Variants in AKAP9 observed in about 807,000 individuals in gnomAD.
AKAP9 encodes A-kinase anchoring protein 9, also known as A-kinase anchor protein 9.
In AKAP9, 311 loss-of-function variants were observed where a neutral mutation model predicts 488.5. That is an observed-to-expected ratio of 0.64 (90% CI 0.58 to 0.70). The LOEUF is 0.70. Ranked by LOEUF, AKAP9 falls within the 30% of genes least tolerant of loss-of-function variation. AKAP9 has a pLI of 0.00. For missense variants in AKAP9, 4,215 were observed against 4,374.5 expected (o/e 0.96, Z 1.03); for synonymous variants, 1,462 against 1,483.5 (o/e 0.99, Z 0.33).
chr7:92,071,325 G>A (rs1290420139), intron 28 of AKAP9, among the ~76,000 whole-genome samples: 2 of 115,730 alleles, frequency 1.7e-5, no homozygotes, highest in Non-Finnish European at 3.5e-5. Context: ...AGGACAAAAG[G>A]CAATATATCC....
In AKAP9 at chr7:92,017,028, A is replaced by G. The variant is rs1321801373; in HGVS notation, c.3763A>G (p.Asn1255Asp). ...TGTTTACCATCCAGACTTTCAAGAA[A>G]ATATGCACACTCTTCTCAACAAAGT... ...YRYEVQDFQE[N>D]MHTLLNKVTE... The change falls in exon 12 of 50, where the codon AAT (asparagine) becomes GAT (aspartate). Residue 1255 changes from asparagine to aspartate, a missense_variant. Transcript: ENST00000356239. 1 of 1,580,962 alleles carries G rather than the reference A, an allele frequency of 6.3e-7. No individual in the cohort carries two copies. The highest frequency in any genetic ancestry group is 8.7e-7 in the Non-Finnish European group (1 of 1,155,812).
chr7:92,076,103 A>T (rs1006216124), intron 28 of AKAP9, among the ~76,000 whole-genome samples: 12 of 152,236 alleles, frequency 7.9e-5, no homozygotes, highest in African/African-American at 2.4e-4. Flanking sequence ...CCAGTGAGCT[A>T]AATGAATGTT....
chr7:92,020,453 C>T (rs546439759), intron 12 of AKAP9, among the ~76,000 whole-genome samples: 1 of 152,188 alleles, frequency 6.6e-6, no homozygotes, highest in Non-Finnish European at 1.5e-5. Context: ...ATTTCTTCCT[C>T]TGTTCCCTTA....
At chr7:92,028,044 G>A (rs1201716776) in intron 14 of AKAP9, among the ~76,000 whole-genome samples, 2 of 152,054 alleles carry the variant, frequency 1.3e-5, no homozygotes, top group Non-Finnish European at 1.5e-5. Context: ...GGGTTAAATG[G>A]ATTAAGGGTG....
intron 1 of AKAP9, among the ~76,000 whole-genome samples, chr7:91,944,744 T>G (rs922594656): frequency 6.6e-6 from 1 of 152,194 alleles, no homozygotes; most frequent in Non-Finnish European, 1.5e-5. Context: ...ATTAAACACA[T>G]GTTATAGTGT....
chr7:91,948,907 C>T (rs1791847912), intron 1 of AKAP9, among the ~76,000 whole-genome samples: 1 of 151,668 alleles, frequency 6.6e-6, no homozygotes, highest in Non-Finnish European at 1.5e-5. Context: ...CACCACCATG[C>T]CCGATTAATT....
At chr7:92,086,104 A>G (rs1814513118) in intron 36 of AKAP9, 124 bp from the exon 37 acceptor site, 3 of 843,244 alleles carry the variant, frequency 3.6e-6, no homozygotes, top group Non-Finnish European at 5.4e-6. Flanking sequence ...AAAAAAATAA[A>G]TAAATAAAAG....
chr7:92,073,883 G>A (rs541427828), intron 28 of AKAP9, among the ~76,000 whole-genome samples: 2 of 152,202 alleles, frequency 1.3e-5, no homozygotes, highest in African/African-American at 4.8e-5. Context: ...AACTCAAGAT[G>A]GATTAAAGAC....
intron 3 of AKAP9, among the ~76,000 whole-genome samples, chr7:91,991,401 A>G (rs1463166975): frequency 6.6e-6 from 1 of 151,402 alleles, no homozygotes; most frequent in Admixed American, 6.6e-5. Flanking sequence ...ATATCCTCAA[A>G]CTCCTGGGCT....
chr7:92,106,023 A>G (rs983292786), intron 47 of AKAP9, among the ~76,000 whole-genome samples: 1 of 152,244 alleles, frequency 6.6e-6, no homozygotes, highest in African/African-American at 2.4e-5. Flanking sequence ...GAATCTAACT[A>G]ATGCCTGATT....
intron 3 of AKAP9, among the ~76,000 whole-genome samples, chr7:91,983,773 A>G (rs563655642): frequency 7.9e-5 from 12 of 152,188 alleles, no homozygotes; most frequent in African/African-American, 1.2e-4. Flanking sequence ...AACCGTTCTT[A>G]TTTCTCCACA....
intron 16 of AKAP9, among the ~76,000 whole-genome samples, chr7:92,031,971 A>G (rs1804334771): frequency 6.6e-6 from 1 of 152,194 alleles, no homozygotes; most frequent in African/African-American, 2.4e-5. Context: ...CAATCAGAGA[A>G]GTTTTGTTAG....
Position 92,001,273 on chromosome 7 carries a change from A to C in AKAP9, c.1356A>C (p.Leu452Phe). The change falls in exon 8 of 50, where the codon TTA (leucine) becomes TTC (phenylalanine). Residue 452 changes from leucine (L) to phenylalanine (F), a missense_variant. Leu to Phe is a conservative substitution (Grantham distance 22). Coordinates refer to ENST00000356239, the MANE Select transcript of AKAP9 (RefSeq NM_005751.5). ...GQQIVQMKQE[L>F]IRQHMAQMEE... Reference sequence around the variant, plus strand: ...AGATAGTGCAAATGAAACAAGAATTAATAAGACAACACATGGCACAGATGG... The same window carrying C: ...AGATAGTGCAAATGAAACAAGAATTCATAAGACAACACATGGCACAGATGG... The C allele has an allele frequency of 6.2e-7, 1 of 1,614,028 alleles. No individual in the cohort carries two copies. The highest frequency in any genetic ancestry group is 1.1e-5 in the South Asian group (1 of 91,082).
In AKAP9 at chr7:92,083,513, A is replaced by G. The variant is rs897970211; in HGVS notation, c.8504A>G (p.His2835Arg). 3 of 1,607,354 alleles carry G rather than the reference A, an allele frequency of 1.9e-6. No individual in the cohort carries two copies. The highest frequency in any genetic ancestry group is 2.5e-6 in the Non-Finnish European group (3 of 1,176,888). Residue 2835 changes from histidine to arginine, a missense_variant, in exon 33 of 50, where the codon CAT becomes CGT. Transcript: ENST00000356239. ...TEKIEKMQEL[H>R]AAEILDMESR... The stretch of plus-strand genomic sequence containing the variant: ...AAAATTGAGAAGATGCAAGAACTAC[A>G]TGCTGCTGAAATTTTGGACATGGAA...
At chr7:92,029,806 G>C in intron 14 of AKAP9, 89 bp from the exon 15 acceptor site, 1 of 1,047,006 alleles carries the variant, frequency 9.6e-7, no homozygotes, top group Non-Finnish European at 1.5e-6. Flanking sequence ...CCATGCCCCA[G>C]TACACATTTT....
intron 1 of AKAP9, among the ~76,000 whole-genome samples, chr7:91,942,306 G>A (rs1040097943): frequency 2.0e-5 from 3 of 152,124 alleles, no homozygotes; most frequent in Admixed American, 6.5e-5. Flanking sequence ...TTTGTTAAAT[G>A]AATATATATA....
chr7:92,079,713 A>G lies in AKAP9; in HGVS notation c.7580A>G (p.Glu2527Gly). The change falls in exon 31 of 50, where the codon GAA becomes GGA. Residue 2527 changes from glutamate (E) to glycine (G), a missense_variant. Glu to Gly is a moderately conservative substitution (Grantham distance 98, BLOSUM62 -2). This residue lies in a region of AKAP9 where 1,476 missense variants were observed against 1,477.4 expected (regional missense o/e 1.00). Transcript: ENST00000356239. The part of the protein sequence containing the change: ...QCYKQIKDMQ[E>G]QGQFETEMLQ... ...TATAAACAAATAAAAGACATGCAAG[A>G]ACAAGGCCAGTTTGAAACAGAAATG... 6.2e-7 allele frequency: 1 copy of G among 1,614,142 alleles called. No individual in the cohort carries two copies. Among genetic ancestry groups the G allele is most frequent in the South Asian group, 1.1e-5 (1 of 91,082 alleles).
In AKAP9 at chr7:92,002,102, G is replaced by A; in HGVS notation, c.2185G>A (p.Glu729Lys). The A allele has an allele frequency of 6.3e-7, 1 of 1,594,194 alleles. No homozygotes were observed. Among genetic ancestry groups the A allele is most frequent in the Non-Finnish European group, 8.5e-7 (1 of 1,174,654 alleles). The part of the protein sequence containing the change: ...LQINELQKEI[E>K]ILRQEEKEKG... ...AATCAATGAACTTCAAAAAGAAATT[G>A]AAATACTCAGACAAGAAGAAAAAGA... The change falls in exon 8 of 50, where the codon GAA becomes AAA. Residue 729 changes from glutamate to lysine, a missense_variant. By Grantham distance (56) the Glu-to-Lys change is moderately conservative. Transcript: ENST00000356239.
intron 25 of AKAP9, 64 bp downstream of exon 25, chr7:92,065,527 C>A: frequency 8.6e-7 from 1 of 1,163,796 alleles, no homozygotes; most frequent in Admixed American, 2.1e-5. Flanking sequence ...GTATACTAGG[C>A]TATGAATTTT....
Sources: allele counts gnomAD v4.1 joint callset (sites outside exome capture counted in the v4.1 genomes callset), GRCh38; gene constraint gnomAD v4.1.1; regional missense constraint gnomAD v4.1.1; transcripts MANE v1.5; gene names NCBI Gene and HGNC (gene_info 2026-07-23, HGNC 2026-07-21).